Variants in ZNF423 observed in about 807,000 individuals in gnomAD.
ZNF423 encodes Ebf-associated zinc finger protein.
A neutral mutation model predicts 95.8 loss-of-function variants in ZNF423; 12 were observed. The observed-to-expected ratio is 0.13, with a 90% confidence interval of 0.08 to 0.20. The LOEUF is 0.20. Among genes scored for constraint, ZNF423 ranks in the 10% least tolerant of loss-of-function variants. ZNF423 has a pLI of 1.00. For missense variants in ZNF423, 1,316 were observed against 1,737.1 expected (o/e 0.76, Z 4.31); for synonymous variants, 749 against 711.9 (o/e 1.05, Z -0.83).
chr16:49,696,652 C>T (rs2031983827), intron 3 of ZNF423, among the ~76,000 whole-genome samples: 1 of 152,106 alleles, frequency 6.6e-6, no homozygotes, highest in African/African-American at 2.4e-5. Context: ...TACCCACCCC[C>T]ACCCGGCTAC....
At chr16:49,709,236 C>G (rs553307825) in intron 3 of ZNF423, among the ~76,000 whole-genome samples, 1 of 149,958 alleles carries the variant, frequency 6.7e-6, no homozygotes, top group Non-Finnish European at 1.5e-5. Context: ...AAGCTGACTT[C>G]AGAAGCACCA....
intron 5 of ZNF423, among the ~76,000 whole-genome samples, chr16:49,615,296 T>C (rs558143341): frequency 2.6e-5 from 4 of 152,252 alleles, no homozygotes; most frequent in Admixed American, 6.5e-5. Context: ...AATAATGTTT[T>C]AGTAGAGTAT....
intron 1 of ZNF423, among the ~76,000 whole-genome samples, chr16:49,830,718 C>T (rs551453548): frequency 2.0e-4 from 30 of 152,178 alleles, no homozygotes; most frequent in Admixed American, 1.6e-3. Context: ...GAGACAAATC[C>T]GAGGGCACCA....
At chr16:49,705,744 C>T (rs1434655344) in intron 3 of ZNF423, among the ~76,000 whole-genome samples, 2 of 152,020 alleles carry the variant, frequency 1.3e-5, no homozygotes, top group Non-Finnish European at 2.9e-5. Flanking sequence ...GATGGGGTTT[C>T]GCCATGTTGG....
At chr16:49,632,698 C>A (rs544171623) in intron 4 of ZNF423, among the ~76,000 whole-genome samples, 1 of 152,300 alleles carries the variant, frequency 6.6e-6, no homozygotes, top group South Asian at 2.1e-4. Flanking sequence ...AAAACACAGG[C>A]CACAGCAAGG....
chr16:49,635,857 T>A lies in ZNF423; in HGVS notation c.3319A>T (p.Ser1107Cys). 1 of 1,592,922 alleles carries A rather than the reference T, an allele frequency of 6.3e-7. No homozygotes were observed. The highest frequency in any genetic ancestry group is 1.1e-5 in the South Asian group (1 of 87,742). ...YGLCAGCMAR[S>C]ANGQVGGLAP... ...AGGCCACCCACCTGTCCGTTGGCGC[T>A]GCGGGCCATGCAGCCGGCGCAGAGG... Residue 1107 changes from serine to cysteine, a missense_variant, in exon 4 of 8, where the codon AGC (serine) becomes TGC (cysteine). This residue lies in a region of ZNF423 where 620 missense variants were observed against 775.6 expected (regional missense o/e 0.80). Transcript: ENST00000563137. This position sits in a 1 kb window ranked among gnomAD's most constrained non-coding sequence, Gnocchi z 4.8.
chr16:49,855,532 G>GCCGCCGCCGCCGCCT lies in ZNF423; in HGVS notation c.40+202_40+203insAGGCGGCGGCGGCGG. On this transcript the variant is annotated intron_variant, in intron 1 of 7. Transcript: ENST00000563137. This position sits in a 1 kb window ranked among gnomAD's most constrained non-coding sequence, Gnocchi z 4.7. Reference sequence around the variant, plus strand: ...CCCCTCCGCCGCCGCCGCCGCCGCCGCCGCCTCCGCCTCCTGCTCCCGGCT... The same window carrying GCCGCCGCCGCCGCCT: ...CCCCTCCGCCGCCGCCGCCGCCGCCGCCGCCGCCGCCGCCTCCGCCTCCGCCTCCTGCTCCCGGCT... 7.5e-6 allele frequency among the ~76,000 whole-genome samples: 1 copy of GCCGCCGCCGCCGCCT among 134,104 alleles called. No homozygotes were observed. The highest frequency in any genetic ancestry group is 2.6e-5 in the African/African-American group (1 of 38,656). 88.0% of individuals were successfully genotyped at this position (134,104 alleles called of 152,430 possible). A position where few individuals can be genotyped will look rare whatever the true frequency, so the allele number is the denominator to read the frequency against.
At chr16:49,814,249 G>T (rs1335759138) in intron 1 of ZNF423, among the ~76,000 whole-genome samples, 3 of 152,068 alleles carry the variant, frequency 2.0e-5, no homozygotes, top group Non-Finnish European at 2.9e-5. Flanking sequence ...CTGTAAAATG[G>T]ACATGATTCA....
intron 5 of ZNF423, among the ~76,000 whole-genome samples, chr16:49,529,038 G>C (rs540129646): frequency 6.6e-6 from 1 of 151,978 alleles, no homozygotes; most frequent in South Asian, 2.1e-4. Flanking sequence ...TGACAAAGCT[G>C]TCTGGGAGCC....
chr16:49,773,632 A>C (rs867699305), intron 2 of ZNF423, among the ~76,000 whole-genome samples: 1 of 152,190 alleles, frequency 6.6e-6, no homozygotes, highest in South Asian at 2.1e-4. Context: ...ATAAATAATG[A>C]CCTGTACATA....
intron 1 of ZNF423, among the ~76,000 whole-genome samples, chr16:49,832,668 A>G (rs563727091): frequency 5.5e-4 from 83 of 152,214 alleles, no homozygotes; most frequent in Non-Finnish European, 7.8e-4. Flanking sequence ...TCAAGCCTAC[A>G]GGGCACATGG....
At position 49,492,496 on chromosome 16, in the gene ZNF423, G is replaced by GGGCCGA. The variant is rs1311386452; in HGVS notation, c.3850-1198_3850-1193dup. On this transcript the variant is annotated intron_variant, in intron 7 of 7. Transcript: ENST00000563137. The surrounding 1 kb of genome is among the most constrained non-coding windows in gnomAD (Gnocchi z 4.2). Reference sequence around the variant, plus strand: ...GAGGCCGGGGCCGGGGCCGGGGCCGGGGCCGAGACGGGCCACTCCTGCTCC... The same window carrying GGGCCGA: ...GAGGCCGGGGCCGGGGCCGGGGCCGGGGCCGAGGCCGAGACGGGCCACTCCTGCTCC... Among the ~76,000 whole-genome samples, 32 of 151,556 alleles carry GGGCCGA rather than the reference G, an allele frequency of 2.1e-4. 1 individual carries two copies. Among genetic ancestry groups the GGGCCGA allele is most frequent in the Non-Finnish European group, 2.1e-4 (14 of 67,948 alleles).
chr16:49,664,200 G>A (rs780834258), intron 3 of ZNF423: 15 of 985,582 alleles, frequency 1.5e-5, no homozygotes, highest in African/African-American at 1.7e-5. Context: ...GAGGGCTGGA[G>A]AGGCGCTTCC....
intron 3 of ZNF423, among the ~76,000 whole-genome samples, chr16:49,718,387 C>A (rs1485609572): frequency 6.6e-6 from 1 of 152,132 alleles, no homozygotes. Context: ...GTCTGGGTGA[C>A]AGAGTGATAC....
intron 1 of ZNF423, among the ~76,000 whole-genome samples, chr16:49,836,942 G>A (rs1291331725): frequency 1.3e-5 from 2 of 152,166 alleles, no homozygotes; most frequent in Non-Finnish European, 2.9e-5. Context: ...GGGAGAGCCT[G>A]AGCAATAGGT....
At chr16:49,584,840 T>C (rs140553287) in intron 5 of ZNF423, among the ~76,000 whole-genome samples, 1 of 152,334 alleles carries the variant, frequency 6.6e-6, no homozygotes, top group East Asian at 1.9e-4. Flanking sequence ...TCAATATTGC[T>C]ACATATTGCT....
At chr16:49,590,682 G>A (rs1970985935) in intron 5 of ZNF423, among the ~76,000 whole-genome samples, 1 of 152,120 alleles carries the variant, frequency 6.6e-6, no homozygotes, top group Non-Finnish European at 1.5e-5. Context: ...GTTTCAAGGT[G>A]ACCCTGTTTC....
At chr16:49,659,028 A>T (rs59185699) in intron 3 of ZNF423, among the ~76,000 whole-genome samples, 36,186 of 152,124 alleles carry the variant, frequency 0.24, 5,956 homozygotes, top group African/African-American at 0.46. Flanking sequence ...CTTAAAATCT[A>T]TATTATTTAT....
chr16:49,769,714 CCT>C (rs910989749), intron 2 of ZNF423, among the ~76,000 whole-genome samples: 1 of 151,584 alleles, frequency 6.6e-6, no homozygotes, highest in African/African-American at 2.4e-5. Flanking sequence ...CCGTCTTTCC[CCT>C]CTCTCCCCCT....
Sources: gnomAD v4.1 joint callset for allele counts (sites outside exome capture counted in the v4.1 genomes callset) on GRCh38, gnomAD v4.1.1 for gene constraint, gnomAD v4.1.1 regional missense constraint, Gnocchi (gnomAD v3.1) non-coding constraint, MANE v1.5 for transcripts, NCBI Gene and HGNC (gene_info 2026-07-23, HGNC 2026-07-21) for gene names.